The following ATG4C variants were observed in gnomAD, a reference collection of about 807,000 sequenced individuals.
ATG4C encodes autophagy related 4C cysteine peptidase.
A neutral mutation model predicts 57.6 loss-of-function variants in ATG4C; 56 were observed. The ratio of observed to expected loss-of-function variants is 0.97; its 90% confidence interval spans 0.78 to 1.21. The LOEUF (loss-of-function observed/expected upper bound fraction) is 1.21. Ranked by LOEUF, ATG4C falls within the 50% of genes most tolerant of loss-of-function variation. ATG4C has a pLI of 0.00. For synonymous variants in ATG4C, 157 were observed against 174.1 expected (o/e 0.90, Z 0.78); for missense variants, 595 against 529.8 (o/e 1.12, Z -1.21).
intron 7 of ATG4C, among the ~76,000 whole-genome samples, chr1:62,831,498 A>G (rs1463923635): frequency 6.6e-6 from 1 of 152,154 alleles, no homozygotes; most frequent in East Asian, 1.9e-4. Context: ...TATGAGAAGA[A>G]GGAAATTTGT....
At chr1:62,841,807 T>C (rs1045226132) in intron 10 of ATG4C, among the ~76,000 whole-genome samples, 2 of 152,228 alleles carry the variant, frequency 1.3e-5, no homozygotes, top group Admixed American at 6.5e-5. Context: ...TTGCAAACGC[T>C]AGACCGGTCC....
intron 1 of ATG4C, among the ~76,000 whole-genome samples, chr1:62,799,955 T>C (rs755593382): frequency 3.3e-5 from 5 of 152,018 alleles, no homozygotes; most frequent in Non-Finnish European, 5.9e-5. Flanking sequence ...TAACCATCCT[T>C]CCACTCTCTG....
At chr1:62,843,267 A>G (rs1439857789) in intron 10 of ATG4C, among the ~76,000 whole-genome samples, 1 of 152,206 alleles carries the variant, frequency 6.6e-6, no homozygotes, top group African/African-American at 2.4e-5. Flanking sequence ...AATAATATGC[A>G]TTAAGGCAAA....
chr1:62,843,790 T>TCA (rs1666243652), intron 10 of ATG4C, among the ~76,000 whole-genome samples: 2 of 152,182 alleles, frequency 1.3e-5, no homozygotes, highest in Admixed American at 1.3e-4. Context: ...GAACAAGGTG[T>TCA]AAAACTTCCA....
chr1:62,795,113 G>T (rs996424026), intron 1 of ATG4C, among the ~76,000 whole-genome samples: 23 of 152,208 alleles, frequency 1.5e-4, no homozygotes, highest in Admixed American at 4.6e-4. Context: ...GAGGTCTGCG[G>T]TGTTTTTACC....
rs767813237 is a variant in ATG4C at position 62,864,180 on chromosome 1, G to T, written c.*21G>T. 6.4e-7 allele frequency: 1 copy of T among 1,569,016 alleles called. No homozygotes were observed. Among genetic ancestry groups the T allele is most frequent in the Non-Finnish European group, 8.6e-7 (1 of 1,164,556 alleles). On this transcript the variant is annotated 3_prime_UTR_variant, in exon 11 of 11. Transcript: ENST00000317868. ...TTTAAAGATTAGCACATTTGTGCTT[G>T]ATAAGAAGAATTCCATTGAAAGGGG...
chr1:62,803,270 A>T (rs1028701296), intron 1 of ATG4C, among the ~76,000 whole-genome samples: 42 of 152,228 alleles, frequency 2.8e-4, no homozygotes, highest in Admixed American at 2.7e-3. Context: ...AGTAGTGACT[A>T]ATCAATATAA....
chr1:62,824,770 T>C (rs1017506910), intron 6 of ATG4C, among the ~76,000 whole-genome samples: 12 of 151,348 alleles, frequency 7.9e-5, no homozygotes, highest in Non-Finnish European at 1.5e-4. Context: ...TGAGCTCAAG[T>C]GTTGCTCCTG....
At chr1:62,839,820 A>G (rs1666111715) in intron 9 of ATG4C, among the ~76,000 whole-genome samples, 1 of 152,210 alleles carries the variant, frequency 6.6e-6, no homozygotes, top group Non-Finnish European at 1.5e-5. Flanking sequence ...ATTTTGCAGA[A>G]GTCATAGTTT....
At chr1:62,790,955 A>T (rs1664256502) in intron 1 of ATG4C, among the ~76,000 whole-genome samples, 1 of 152,224 alleles carries the variant, frequency 6.6e-6, no homozygotes, top group South Asian at 2.1e-4. Flanking sequence ...CCCAAGTAAT[A>T]GGTCTAATGT....
chr1:62,847,124 C>T (rs1003507135), intron 10 of ATG4C, among the ~76,000 whole-genome samples: 1 of 152,166 alleles, frequency 6.6e-6, no homozygotes, highest in Non-Finnish European at 1.5e-5. Context: ...GTGCAGTGAG[C>T]CAAGATTGTG....
At chr1:62,855,184 C>T (rs1432465839) in intron 10 of ATG4C, among the ~76,000 whole-genome samples, 2 of 151,992 alleles carry the variant, frequency 1.3e-5, no homozygotes, top group African/African-American at 2.4e-5. Context: ...CGTCTTTGGC[C>T]GTTCTGTACT....
At chr1:62,801,255 A>C (rs1664650100) in intron 1 of ATG4C, among the ~76,000 whole-genome samples, 1 of 152,248 alleles carries the variant, frequency 6.6e-6, no homozygotes, top group South Asian at 2.1e-4. Flanking sequence ...GAATGTGTTT[A>C]TAGCTTTCAT....
At chr1:62,841,360 A>C (rs1414693027) in intron 9 of ATG4C, 68 bp from the exon 10 acceptor site, 4 of 1,337,778 alleles carry the variant, frequency 3.0e-6, no homozygotes, top group Non-Finnish European at 4.1e-6. Context: ...AGAAAATTTT[A>C]AATAATAGTT....
intron 10 of ATG4C, among the ~76,000 whole-genome samples, chr1:62,847,032 C>G (rs761662904): frequency 1.3e-5 from 2 of 152,144 alleles, no homozygotes; most frequent in Non-Finnish European, 2.9e-5. Flanking sequence ...CAAAAATTAG[C>G]CAGGCATGGT....
chr1:62,795,482 C>T (rs1052071667), intron 1 of ATG4C, among the ~76,000 whole-genome samples: 16 of 152,150 alleles, frequency 1.1e-4, no homozygotes, highest in Admixed American at 7.9e-4. Flanking sequence ...TAGGAATAAA[C>T]CTCATCTGTT....
rs561628884 is a variant in ATG4C at position 62,838,431 on chromosome 1, T to C, written c.1090-2997T>C. Among the ~76,000 whole-genome samples, 3 of 152,292 alleles carry C rather than the reference T, an allele frequency of 2.0e-5. No individual in the cohort carries two copies. In the South Asian group the frequency reaches 6.2e-4, roughly 32 times the overall value. On this transcript the variant is annotated intron_variant, in intron 9 of 10. Transcript: ENST00000317868. ...TAACTTGTTCTGCAATAGACAACGATTGTGAATTGTAAATTCATGTTGGTT... is the reference window on the plus strand; with the variant it reads ...TAACTTGTTCTGCAATAGACAACGACTGTGAATTGTAAATTCATGTTGGTT...
chr1:62,818,917 T>G, intron 4 of ATG4C, 88 bp from the exon 5 acceptor site: 1 of 1,069,846 alleles, frequency 9.3e-7, no homozygotes, highest in Non-Finnish European at 1.3e-6. Context: ...GTAACCCAAA[T>G]GACCTTAAAT....
chr1:62,849,792 T>C (rs1666445408), intron 10 of ATG4C, among the ~76,000 whole-genome samples: 1 of 152,024 alleles, frequency 6.6e-6, no homozygotes, highest in East Asian at 1.9e-4. Context: ...ATTACAGGCG[T>C]GAGCCACTAC....
Sources: gnomAD v4.1 joint callset for allele counts (sites outside exome capture counted in the v4.1 genomes callset) on GRCh38, gnomAD v4.1.1 for gene constraint, MANE v1.5 for transcripts, NCBI Gene and HGNC (gene_info 2026-07-23, HGNC 2026-07-21) for gene names.